Variants in EPB41 observed in about 807,000 individuals in gnomAD.
EPB41 encodes the protein protein 4.1.
A neutral mutation model predicts 108.0 loss-of-function variants in EPB41; 65 were observed. The observed-to-expected ratio is 0.60, with a 90% CI of 0.49 to 0.74. EPB41 has a LOEUF of 0.74. EPB41 is among the 30% of genes least tolerant of loss of function. The pLI is 0.00. For synonymous variants in EPB41, 336 were observed against 358.9 expected, an observed-to-expected ratio of 0.94 and a Z score of 0.72; for missense variants, 875 against 1,037.0, an observed-to-expected ratio of 0.84 and a Z score of 2.15.
chr1:28,948,445 CTT>C (rs1366199421), intron 1 of EPB41, among the ~76,000 whole-genome samples: 8 of 143,948 alleles, frequency 5.6e-5, no homozygotes, highest in African/African-American at 1.3e-4. Context: ...AGAGGCAGAG[CTT>C]GCAGTGAGCC....
intron 1 of EPB41, among the ~76,000 whole-genome samples, chr1:28,973,276 C>T (rs914559279): frequency 6.6e-6 from 1 of 152,032 alleles, no homozygotes; most frequent in African/African-American, 2.4e-5. Flanking sequence ...AATGGTGACT[C>T]TTGAGTTTAT....
intron 3 of EPB41, among the ~76,000 whole-genome samples, chr1:28,995,894 T>C (rs2096160620): frequency 6.6e-6 from 1 of 152,218 alleles, no homozygotes; most frequent in Non-Finnish European, 1.5e-5. Flanking sequence ...TTATTTGATA[T>C]GGATGAGTTA....
At chr1:28,902,102 GC>G (rs1300512105) in intron 1 of EPB41, 1 of 894,116 alleles carries the variant, frequency 1.1e-6, no homozygotes, top group African/African-American at 1.8e-5. Context: ...ACTATATGAA[GC>G]CTGTTCTCTC....
At chr1:29,060,603 CT>C in intron 15 of EPB41, 119 bp downstream of exon 15, 2 of 841,824 alleles carry the variant, frequency 2.4e-6, no homozygotes, top group Non-Finnish European at 3.9e-6. Flanking sequence ...CATGAAGGGA[CT>C]TTAGGTTTAA....
upstream of EPB41, among the ~76,000 whole-genome samples, chr1:28,913,115 C>T (rs1163507053): frequency 2.0e-5 from 3 of 152,052 alleles, no homozygotes; most frequent in African/African-American, 7.2e-5. Flanking sequence ...AGGTGGGAGT[C>T]CCAGCTACTT....
chr1:29,057,391 A>AAAG (rs1553270985), intron 12 of EPB41, among the ~76,000 whole-genome samples: 13 of 149,246 alleles, frequency 8.7e-5, no homozygotes, highest in Non-Finnish European at 1.0e-4. Context: ...AAAAAAAAAA[A>AAAG]AAAAAGAAAA....
chr1:29,061,135 A>G (rs1207084947), intron 15 of EPB41, among the ~76,000 whole-genome samples: 4 of 152,170 alleles, frequency 2.6e-5, no homozygotes, highest in Admixed American at 6.5e-5. Context: ...CCAAGATGTG[A>G]GTTAGGATCT....
intron 1 of EPB41, among the ~76,000 whole-genome samples, chr1:28,916,025 T>C (rs745784169): frequency 6.6e-6 from 1 of 152,324 alleles, no homozygotes; most frequent in Non-Finnish European, 1.5e-5. Context: ...CACTAACCCC[T>C]ACTTTTTATG....
rs144739597 is a variant in EPB41 at position 28,949,433 on chromosome 1, C to T, written c.-8+34665C>T. Among the ~76,000 whole-genome samples the T allele has an allele frequency of 2.2e-3, 336 of 151,892 alleles. 1 individual carries two copies. The highest frequency in any genetic ancestry group is 7.6e-3 in the African/African-American group (315 of 41,454). On this transcript the variant is annotated intron_variant, in intron 1 of 20. Transcript: ENST00000343067. The stretch of plus-strand genomic sequence containing the variant: ...CCAGTATGAGTGACAGAGTGAGACC[C>T]TGTCTCAAAAAAAACTTACCATCTC...
intron 16 of EPB41, among the ~76,000 whole-genome samples, chr1:29,075,016 G>T (rs548088750): frequency 6.6e-6 from 1 of 152,102 alleles, no homozygotes; most frequent in African/African-American, 2.4e-5. Flanking sequence ...AATTAGCTGG[G>T]CGTGGTGATG....
chr1:28,934,956 A>T (rs1262746272), intron 1 of EPB41, among the ~76,000 whole-genome samples: 2 of 151,904 alleles, frequency 1.3e-5, no homozygotes, highest in Non-Finnish European at 2.9e-5. Flanking sequence ...CCTACAAAAA[A>T]TGAACAGAAC....
intron 6 of EPB41, among the ~76,000 whole-genome samples, chr1:29,016,460 G>A (rs2477081): frequency 0.78 from 118,718 of 151,518 alleles, 46,968 homozygotes; most frequent in East Asian, 0.92. Flanking sequence ...AAGTGCTGGT[G>A]TTACAGGCTT....
At chr1:29,098,065 T>A in intron 17 of EPB41, 130 bp downstream of exon 17, 1 of 1,343,898 alleles carries the variant, frequency 7.4e-7, no homozygotes, top group East Asian at 2.5e-5. Flanking sequence ...TAGAAGAGAT[T>A]ACTGGTCTAA....
chr1:28,896,509 G>A (rs570042733), intron 1 of EPB41, among the ~76,000 whole-genome samples: 3 of 152,298 alleles, frequency 2.0e-5, no homozygotes, highest in South Asian at 2.1e-4. Context: ...CTTCCCCACC[G>A]GGAGCTCGGA....
At chr1:29,070,987 T>C (rs1651081404) in intron 16 of EPB41, 2 of 167,522 alleles carry the variant, frequency 1.2e-5, no homozygotes, top group African/African-American at 2.4e-5. Flanking sequence ...ACTCTCTAGA[T>C]ACATTTGATG....
At chr1:28,899,035 T>C (rs894995377) in intron 1 of EPB41, among the ~76,000 whole-genome samples, 2 of 152,110 alleles carry the variant, frequency 1.3e-5, no homozygotes, top group Non-Finnish European at 2.9e-5. Context: ...AGCCACCAAG[T>C]CCCTTATGGA....
At chr1:28,974,845 A>G (rs1288003382) in intron 1 of EPB41, among the ~76,000 whole-genome samples, 1 of 149,214 alleles carries the variant, frequency 6.7e-6, no homozygotes, top group Non-Finnish European at 1.5e-5. Flanking sequence ...CCCAGGCTGG[A>G]GTGCCGTGGC....
chr1:28,985,724 A>C (rs2095856811), intron 1 of EPB41: 1 of 152,202 alleles, frequency 6.6e-6, no homozygotes, highest in East Asian at 1.9e-4. Flanking sequence ...TGTCTGGTGC[A>C]GTGGTGCTTA....
chr1:29,109,597 C>T (rs1209025335), intron 18 of EPB41, 160 bp downstream of exon 18: 5 of 689,938 alleles, frequency 7.2e-6, no homozygotes, highest in Non-Finnish European at 1.3e-5. Flanking sequence ...GCCCTGCTGC[C>T]TTCCCCAGCA....
Sources: gnomAD v4.1 joint callset for allele counts (sites outside exome capture counted in the v4.1 genomes callset) on GRCh38, gnomAD v4.1.1 for gene constraint, MANE v1.5 for transcripts, NCBI Gene and HGNC (gene_info 2026-07-23, HGNC 2026-07-21) for gene names.